ALG6: variants seen among roughly 807,000 people sequenced by gnomAD.
ALG6 encodes the protein dolichyl pyrophosphate Man9GlcNAc2 alpha-1,3-glucosyltransferase.
Under a neutral mutation model 66.6 loss-of-function variants are expected in ALG6, and 46 were observed. The observed-to-expected ratio is 0.69, with a 90% confidence interval of 0.55 to 0.88. ALG6 has a LOEUF of 0.88. Ranked by LOEUF, ALG6 falls within the 40% of genes least tolerant of loss-of-function variation. The pLI is 0.00. For synonymous variants in ALG6, 185 were observed against 203.7 expected (o/e 0.91, Z 0.78); for missense variants, 505 against 586.8 (o/e 0.86, Z 1.44).
chr1:63,386,301 C>T, intron 2 of ALG6, among the ~76,000 whole-genome samples: 1 of 151,290 alleles, frequency 6.6e-6, no homozygotes, highest in Non-Finnish European at 1.5e-5. Flanking sequence ...ATGTCTTTCT[C>T]TGGTGTTGTT....
chr1:63,422,226 A>G (rs11208211), intron 12 of ALG6, among the ~76,000 whole-genome samples: 2,242 of 29,514 alleles, frequency 0.076, 173 homozygotes, highest in Admixed American at 0.11. Context: ...TATTTATATA[A>G]ATATAAATAT....
chr1:63,429,368 A>G, intron 14 of ALG6: 1 of 405,698 alleles, frequency 2.5e-6, no homozygotes, highest in East Asian at 4.8e-5. Flanking sequence ...ATTCATTCCC[A>G]ATTCTATTCT....
Position 63,402,270 on chromosome 1 carries a change from G to A in ALG6, c.184G>A (p.Asp62Asn). 6.2e-7 allele frequency: 1 copy of A among 1,606,190 alleles called. No homozygotes were observed. The highest frequency in any genetic ancestry group is 8.5e-7 in the Non-Finnish European group (1 of 1,173,204). The change falls in exon 4 of 15, where the codon GAT (aspartate) becomes AAT (asparagine). Residue 62 changes from aspartate to asparagine, a missense_variant. Transcript: ENST00000263440. Reference sequence around the variant, plus strand: ...CTTTTTCAGGTATTTTAACAGCAGTGATAACAATTTACAGTATTGGGGATT... The same window carrying A: ...CTTTTTCAGGTATTTTAACAGCAGTAATAACAATTTACAGTATTGGGGATT... ...PVKQWYFNSS[D>N]NNLQYWGLDY... is the part of the protein sequence containing the mutation.
At position 63,411,951 on chromosome 1, in the gene ALG6, T is replaced by G; in HGVS notation, c.706T>G (p.Cys236Gly). ...GTTTGTGTTGCTAGTTAAGCTAGCT[T>G]GTATTGTTGTGGCTTCCTTCGTTCT... ...KGFVLLVKLACIVVASFVLCW... is the reference protein window; with the variant it reads ...KGFVLLVKLAGIVVASFVLCW... Residue 236 changes from cysteine (C) to glycine (G), a missense_variant, in exon 9 of 15, where the codon TGT (cysteine) becomes GGT (glycine). Physicochemically the swap from Cys to Gly is radical, Grantham distance 159 (BLOSUM62 -3). Transcript: ENST00000263440. The G allele has an allele frequency of 6.2e-7, 1 of 1,614,168 alleles. No individual in the cohort carries two copies. Among genetic ancestry groups the G allele is most frequent in the Non-Finnish European group, 8.5e-7 (1 of 1,180,010 alleles).
intron 1 of ALG6, among the ~76,000 whole-genome samples, chr1:63,370,045 T>C (rs377155264): frequency 6.6e-6 from 1 of 152,074 alleles, no homozygotes; most frequent in Admixed American, 6.6e-5. Context: ...CTTGAACTCC[T>C]GACCTCAGGT....
chr1:63,387,902 ACTC>A (rs1648553909), intron 2 of ALG6, among the ~76,000 whole-genome samples: 1 of 149,866 alleles, frequency 6.7e-6, no homozygotes, highest in African/African-American at 2.5e-5. Flanking sequence ...AAGTATGGCT[ACTC>A]CTGCTCTTTT....
intron 6 of ALG6, 100 bp downstream of exon 6, chr1:63,406,499 G>A: frequency 1.0e-6 from 1 of 994,936 alleles, no homozygotes; most frequent in Non-Finnish European, 1.6e-6. Context: ...TTTGGAAAGA[G>A]AGTAATTAGG....
intron 8 of ALG6, 129 bp downstream of exon 8, chr1:63,411,460 T>C: frequency 1.2e-6 from 1 of 812,648 alleles, no homozygotes; most frequent in Middle Eastern, 3.7e-4. Flanking sequence ...GGCTGTAGGG[T>C]ATGTGGGAAG....
intron 14 of ALG6, among the ~76,000 whole-genome samples, chr1:63,430,159 G>C (rs1255938437): frequency 6.6e-6 from 1 of 152,152 alleles, no homozygotes; most frequent in Non-Finnish European, 1.5e-5. Flanking sequence ...GGGATTACAG[G>C]CATGAGCCAC....
At chr1:63,417,124 GTCA>G (rs1301968371) in intron 11 of ALG6, among the ~76,000 whole-genome samples, 1 of 152,184 alleles carries the variant, frequency 6.6e-6, no homozygotes, top group African/African-American at 2.4e-5. Context: ...AGCATACCAA[GTCA>G]TCTGTTGTTA....
intron 4 of ALG6, among the ~76,000 whole-genome samples, chr1:63,403,655 T>A (rs1644476165): frequency 6.6e-6 from 1 of 150,420 alleles, no homozygotes; most frequent in Admixed American, 6.7e-5. Flanking sequence ...TCATAGAGGG[T>A]ACTTTAGTAG....
intron 6 of ALG6, 143 bp downstream of exon 6, chr1:63,406,542 A>G (rs1199467240): frequency 3.1e-5 from 23 of 743,676 alleles, no homozygotes; most frequent in Non-Finnish European, 4.8e-5. Flanking sequence ...TTCACTTCAA[A>G]AGCATCAACT....
intron 12 of ALG6, among the ~76,000 whole-genome samples, chr1:63,420,662 C>T (rs573461148): frequency 1.8e-4 from 27 of 151,988 alleles, no homozygotes; most frequent in African/African-American, 6.5e-4. Context: ...AGATCGACAC[C>T]ATCCTGACTA....
chr1:63,422,108 A>AAT (rs34619936), intron 12 of ALG6, among the ~76,000 whole-genome samples: 62 of 104,254 alleles, frequency 5.9e-4, no homozygotes, highest in African/African-American at 1.9e-3. Context: ...TATAAATATA[A>AAT]ATATATATAA....
In ALG6 at chr1:63,437,227, T is replaced by C. The variant is rs1644689240; in HGVS notation, c.*207T>C. On this transcript the variant is annotated 3_prime_UTR_variant, in exon 15 of 15. Transcript: ENST00000263440. Reference sequence around the variant, plus strand: ...GACCAATGGAGGCTTGTCTAAGTACTGCTTGGCCAAAACATGTGGTTTTAT... The same window carrying C: ...GACCAATGGAGGCTTGTCTAAGTACCGCTTGGCCAAAACATGTGGTTTTAT... The C allele has an allele frequency of 1.9e-6, 1 of 513,978 alleles. No homozygotes were observed. The highest frequency in any genetic ancestry group is 1.9e-5 in the African/African-American group (1 of 52,124). The allele number at this position is 513,978 out of a possible 1,614,324, so 31.8% of individuals were successfully genotyped here.
intron 14 of ALG6, chr1:63,429,850 AGTGTGTGTGTGTGTGTGT>A: frequency 6.9e-6 from 1 of 144,378 alleles, no homozygotes; most frequent in East Asian, 2.1e-4. Flanking sequence ...TCTTTCACTT[AGTGTGTGTGTGTGTGTGT>A]GTGTGTGTGT....
chr1:63,390,101 T>G (rs941964838), intron 2 of ALG6, among the ~76,000 whole-genome samples: 1 of 152,224 alleles, frequency 6.6e-6, no homozygotes, highest in African/African-American at 2.4e-5. Flanking sequence ...CGATGTTCAC[T>G]CAAGGCCCAA....
At chr1:63,395,161 G>C (rs1648783523) in intron 2 of ALG6, among the ~76,000 whole-genome samples, 1 of 152,100 alleles carries the variant, frequency 6.6e-6, no homozygotes, top group Non-Finnish European at 1.5e-5. Flanking sequence ...TCCGCGCCTG[G>C]CCAGATAATA....
chr1:63,388,726 C>A (rs1427932446), intron 2 of ALG6, among the ~76,000 whole-genome samples: 4 of 152,328 alleles, frequency 2.6e-5, no homozygotes, highest in Non-Finnish European at 5.9e-5. Flanking sequence ...GGTTGAAGAA[C>A]TCCCTTTAGC....
Sources: allele counts gnomAD v4.1 joint callset (sites outside exome capture counted in the v4.1 genomes callset), GRCh38; gene constraint gnomAD v4.1.1; transcripts MANE v1.5; gene names NCBI Gene and HGNC (gene_info 2026-07-23, HGNC 2026-07-21).